Variants in PDLIM2 observed in about 807,000 individuals in gnomAD.
The protein encoded by PDLIM2 is PDZ and LIM domain protein 2.
In PDLIM2, 51 loss-of-function variants were observed where a neutral mutation model predicts 54.1. That is an observed-to-expected ratio of 0.94 (90% CI 0.75 to 1.19). The LOEUF (loss-of-function observed/expected upper bound fraction) is 1.19, where lower values mean the gene tolerates loss of function less well. Ranked by LOEUF, PDLIM2 falls within the 50% of genes most tolerant of loss-of-function variation. The pLI, the probability that PDLIM2 is intolerant of heterozygous loss-of-function variation, is 0.00. For synonymous variants in PDLIM2, 398 were observed against 385.6 expected (o/e 1.03, Z -0.38); for missense variants, 912 against 874.0 (o/e 1.04, Z -0.55).
chr8:22,596,646 G>A (rs936549392), downstream of PDLIM2: 2 of 152,234 alleles, frequency 1.3e-5, no homozygotes, highest in Non-Finnish European at 2.9e-5. Flanking sequence ...TGAAGTGACA[G>A]ATTAGAGTTA....
chr8:22,582,970 G>A (rs1193980314), intron 3 of PDLIM2, among the ~76,000 whole-genome samples: 3 of 131,232 alleles, frequency 2.3e-5, no homozygotes, highest in South Asian at 2.3e-4. Flanking sequence ...CTGGTATTCA[G>A]AAGCCCTGGG....
At chr8:22,592,455 C>T (rs746207255) in intron 9 of PDLIM2, 1 of 152,166 alleles carries the variant, frequency 6.6e-6, no homozygotes, top group Non-Finnish European at 1.5e-5. Flanking sequence ...TGAAACCCCC[C>T]CTCAGGTAAA....
chr8:22,587,425 A>C (rs1239936065), intron 6 of PDLIM2, among the ~76,000 whole-genome samples: 1 of 152,222 alleles, frequency 6.6e-6, no homozygotes, highest in African/African-American at 2.4e-5. Context: ...CCCATGAGAA[A>C]GAAACCCACT....
Position 22,594,276 on chromosome 8 carries a change from T to C in PDLIM2, c.*366T>C, listed in dbSNP as rs547576110. ...GTTTTTGACATACTAGCTCTATAAATATATGAATATGGACAAAATAAAGTA... is the reference window on the plus strand; with the variant it reads ...GTTTTTGACATACTAGCTCTATAAACATATGAATATGGACAAAATAAAGTA... On this transcript the variant is annotated 3_prime_UTR_variant, in exon 10 of 10. Coordinates refer to ENST00000308354, the Ensembl canonical transcript of PDLIM2. 3.6e-6 allele frequency: 5 copies of C among 1,395,560 alleles called. No individual in the cohort carries two copies. In the South Asian group the frequency reaches 7.7e-5, roughly 22 times the overall value. The allele number at this position is 1,395,560 out of a possible 1,614,324, so 86.4% of individuals were successfully genotyped here.
exon 4 of PDLIM2, chr8:22,584,859 G>A (rs1214966386): frequency 6.2e-7 from 1 of 1,614,050 alleles, no homozygotes; most frequent in Non-Finnish European, 8.5e-7. Flanking sequence ...AATGGGGACA[G>A]CTCCTTGGAA....
chr8:22,589,208 C>A, intron 6 of PDLIM2, 90 bp from the exon 6 acceptor site: 1 of 1,407,660 alleles, frequency 7.1e-7, no homozygotes, highest in Non-Finnish European at 9.7e-7. Flanking sequence ...CCCCTGGTGT[C>A]GGGCCTGGGA....
intron 5 of PDLIM2, 40 bp from the exon 5 acceptor site, chr8:22,585,281 G>T: frequency 6.2e-7 from 1 of 1,607,626 alleles, no homozygotes; most frequent in East Asian, 2.2e-5. Context: ...GGGCAGGCTG[G>T]GGGTGGCCCT....
chr8:22,589,278 C>CGGCTGCCTCCTCCCA lies in PDLIM2; in HGVS notation c.1291-19_1291-5dup. The CGGCTGCCTCCTCCCA allele has an allele frequency of 6.5e-7, 1 of 1,533,538 alleles. No individual in the cohort carries two copies. Among genetic ancestry groups the CGGCTGCCTCCTCCCA allele is most frequent in the Non-Finnish European group, 8.7e-7 (1 of 1,146,148 alleles). The allele number at this position is 1,533,538 out of a possible 1,614,324, so 95.0% of individuals were successfully genotyped here. ...CAAGGCTCTGGCCCTGACTCCTCCCCGGCTGCCTCCTCCCAACAGGCCGGC... is the reference window on the plus strand; with the variant it reads ...CAAGGCTCTGGCCCTGACTCCTCCCCGGCTGCCTCCTCCCAGGCTGCCTCCTCCCAACAGGCCGGC... On this transcript the variant is annotated intron_variant, in intron 6 of 9. Transcript: ENST00000308354.
intron 2 of PDLIM2, 67 bp from the exon 2 acceptor site, chr8:22,581,312 A>T: frequency 6.5e-7 from 1 of 1,528,768 alleles, no homozygotes. Flanking sequence ...TTTCTTGGGT[A>T]GCAGAGTGGG....
chr8:22,591,679 AG>A lies in PDLIM2; in HGVS notation c.1631+17del, dbSNP rs1800552309. ...CAGTACCAGCATCGCGTGAGTGTGG[AG>A]GGGGGTGGGGGACCTGAGCCTTCAC... is the stretch of plus-strand genomic sequence containing the variant. On this transcript the variant is annotated intron_variant, in intron 9 of 9. Transcript: ENST00000308354. 2 of 1,599,406 alleles carry A rather than the reference AG, an allele frequency of 1.3e-6. No homozygotes were observed. The highest frequency in any genetic ancestry group is 2.2e-5 in the East Asian group (1 of 44,594).
intron 6 of PDLIM2, among the ~76,000 whole-genome samples, chr8:22,586,577 C>T (rs1005202319): frequency 5.9e-5 from 9 of 151,746 alleles, no homozygotes; most frequent in Admixed American, 3.9e-4. Context: ...GTCCGGGCGA[C>T]GGCTGATGTA....
chr8:22,594,902 GGA>G (rs1339320396), downstream of PDLIM2: 51 of 413,000 alleles, frequency 1.2e-4, no homozygotes, highest in Non-Finnish European at 1.5e-4. Context: ...TTCCAGCCTG[GGA>G]GAGAGAGAGG....
chr8:22,585,344 C>A lies in PDLIM2; in HGVS notation c.1235C>A (p.Pro412Gln). ...AGCTTCCAGAGTCTGGCATGTTCCC[C>A]GGGCCTCCCCGCTGCTGACCGCCTG... Residue 412 changes from proline to glutamine, a missense_variant, in exon 6 of 10, where the codon CCG becomes CAG. Pro to Gln is a moderately conservative substitution (Grantham distance 76). Transcript: ENST00000308354. 1 of 1,612,822 alleles carries A rather than the reference C, an allele frequency of 6.2e-7. No individual in the cohort carries two copies. The highest frequency in any genetic ancestry group is 8.5e-7 in the Non-Finnish European group (1 of 1,179,860).
At chr8:22,586,946 G>A (rs1800396801) in intron 6 of PDLIM2, among the ~76,000 whole-genome samples, 1 of 152,130 alleles carries the variant, frequency 6.6e-6, no homozygotes, top group African/African-American at 2.4e-5. Context: ...GACTCACTTG[G>A]GTCGGTCCCA....
chr8:22,593,775 C>T (rs947235488), exon 10 of PDLIM2: 13 of 1,604,058 alleles, frequency 8.1e-6, no homozygotes, highest in Middle Eastern at 1.6e-4. Flanking sequence ...ACCGCCACCC[C>T]GGCTGCTACA....
chr8:22,594,536 G>A (rs375269246), downstream of PDLIM2: 22 of 1,613,960 alleles, frequency 1.4e-5, no homozygotes, highest in African/African-American at 1.2e-4. Context: ...ACAGGAGGAC[G>A]CTTGTGCTAT....
chr8:22,584,172 T>TTC (rs1413651540), intron 3 of PDLIM2, among the ~76,000 whole-genome samples: 1 of 143,330 alleles, frequency 7.0e-6, no homozygotes, highest in Non-Finnish European at 1.5e-5. Flanking sequence ...TTGGCTAAAT[T>TTC]TTTTTTTTTT....
At chr8:22,581,559 G>A in intron 3 of PDLIM2, 29 bp downstream of exon 2, 1 of 1,539,616 alleles carries the variant, frequency 6.5e-7, no homozygotes, top group South Asian at 1.2e-5. Flanking sequence ...CAGAGCCTGT[G>A]GCATTCCCCC....
At chr8:22,581,494 G>A (rs574512829) in exon 3 of PDLIM2, 14 of 1,600,994 alleles carry the variant, frequency 8.7e-6, no homozygotes, top group African/African-American at 4.0e-5. Flanking sequence ...AGCAAGATCC[G>A]CCAGAGCCCC....
Sources: allele counts gnomAD v4.1 joint callset (sites outside exome capture counted in the v4.1 genomes callset), GRCh38; gene constraint gnomAD v4.1.1; transcripts MANE v1.5; gene names NCBI Gene and HGNC (gene_info 2026-07-23, HGNC 2026-07-21).